The following C7orf57 variants were observed in gnomAD, a reference collection of about 807,000 sequenced individuals.
The protein encoded by C7orf57 is chromosome 7 open reading frame 57, also known as uncharacterized protein C7orf57.
Under a neutral mutation model 39.0 loss-of-function variants are expected in C7orf57, and 33 were observed. That is an observed-to-expected ratio of 0.85 (90% CI 0.64 to 1.13). The LOEUF (loss-of-function observed/expected upper bound fraction) is 1.13, where lower values mean the gene tolerates loss of function less well. Among genes scored for constraint, C7orf57 ranks in the 50% most tolerant of loss-of-function variants. The pLI, the probability that C7orf57 is intolerant of heterozygous loss-of-function variation, is 0.00. For missense variants in C7orf57, 346 were observed against 362.3 expected, an observed-to-expected ratio of 0.95 and a Z score of 0.37; for synonymous variants, 124 against 137.1, an observed-to-expected ratio of 0.90 and a Z score of 0.67.
In C7orf57 at chr7:48,060,644, GC is replaced by G. The variant is rs1791265717; in HGVS notation, c.*374del. On this transcript the variant is annotated 3_prime_UTR_variant, in exon 9 of 9. Transcript: ENST00000348904. ...AGAAAACTTACAGAACAGGTGTTAA[GC>G]CTTTTCCAATATTTAGTATTGTAGT... is the stretch of plus-strand genomic sequence containing the variant. The G allele has an allele frequency of 6.2e-6, 1 of 161,146 alleles. No homozygotes were observed. The highest frequency in any genetic ancestry group is 2.4e-5 in the African/African-American group (1 of 41,836). 10.0% of individuals were successfully genotyped at this position (161,146 alleles called of 1,614,324 possible). A position where few individuals can be genotyped will look rare whatever the true frequency, so the allele number is the denominator to read the frequency against.
intron 2 of C7orf57, among the ~76,000 whole-genome samples, chr7:48,039,259 T>C (rs1790475307): frequency 6.6e-6 from 1 of 152,228 alleles, no homozygotes; most frequent in Non-Finnish European, 1.5e-5. Flanking sequence ...ACCTGCTATC[T>C]GTCATGTGAT....
chr7:48,060,678 G>C lies in C7orf57; in HGVS notation c.*406G>C, dbSNP rs1405571481. On this transcript the variant is annotated 3_prime_UTR_variant, in exon 9 of 9. Transcript: ENST00000348904. Reference sequence around the variant, plus strand: ...AATATTTAGTATTGTAGTCTTCATAGAAATCATTTCTAGTTACAGAAAAAT... The same window carrying C: ...AATATTTAGTATTGTAGTCTTCATACAAATCATTTCTAGTTACAGAAAAAT... The C allele has an allele frequency of 6.5e-6, 1 of 153,756 alleles. No homozygotes were observed. Among genetic ancestry groups the C allele is most frequent in the Non-Finnish European group, 1.4e-5 (1 of 69,150 alleles). 9.5% of individuals were successfully genotyped at this position (153,756 alleles called of 1,614,324 possible).
At chr7:48,051,845 T>TC (rs1200449303) in intron 6 of C7orf57, among the ~76,000 whole-genome samples, 38 of 81,098 alleles carry the variant, frequency 4.7e-4, no homozygotes, top group African/African-American at 9.5e-4. Context: ...CTTTCTTTCT[T>TC]TCTTTCTTTC....
At position 48,036,328 on chromosome 7, in the gene C7orf57, A is replaced by G. The variant is rs1200729589; in HGVS notation, c.20A>G (p.Glu7Gly). 1.3e-6 allele frequency: 2 copies of G among 1,591,150 alleles called. No individual in the cohort carries two copies. The highest frequency in any genetic ancestry group is 1.1e-5 in the South Asian group (1 of 87,436). The change falls in exon 2 of 9, where the codon GAA becomes GGA. Residue 7 changes from glutamate (E) to glycine (G), a missense_variant. Transcript: ENST00000348904. MRNTSK[E>G]LQGATHRYAP... ...CTGACCATGAGGAACACAAGCAAGG[A>G]ACTTCAGGGCGCCACGCACCGCTAC...
chr7:48,053,030 CA>C, intron 7 of C7orf57, 107 bp downstream of exon 7: 6 of 917,004 alleles, frequency 6.5e-6, no homozygotes, highest in Non-Finnish European at 3.5e-6. Flanking sequence ...ATGAGTAACC[CA>C]AAAACCATGT....
chr7:48,042,276 G>C (rs1426077946), intron 3 of C7orf57, among the ~76,000 whole-genome samples: 2 of 152,216 alleles, frequency 1.3e-5, no homozygotes, highest in Non-Finnish European at 2.9e-5. Context: ...CAGAGAACAA[G>C]ACCTAGACAT....
chr7:48,051,671 T>TCTTC (rs1325080647), intron 6 of C7orf57, among the ~76,000 whole-genome samples: 4 of 147,516 alleles, frequency 2.7e-5, no homozygotes, highest in African/African-American at 9.9e-5. Context: ...TTTCTTCCTT[T>TCTTC]CTTCCTTCCT....
intron 2 of C7orf57, among the ~76,000 whole-genome samples, chr7:48,040,715 G>A (rs191722734): frequency 6.6e-6 from 1 of 152,258 alleles, no homozygotes; most frequent in East Asian, 1.9e-4. Context: ...ATGGAGAGAG[G>A]CTGCCGAGCT....
Position 48,046,470 on chromosome 7 carries a change from G to A in C7orf57, c.361G>A (p.Val121Ile), listed in dbSNP as rs1471570217. 1.2e-6 allele frequency: 2 copies of A among 1,613,346 alleles called. No individual in the cohort carries two copies. The highest frequency in any genetic ancestry group is 2.2e-5 in the East Asian group (1 of 44,876). ...PTASQQEVRA[V>I]SMPDYMVHEE... ...TGTCTGTCCTTGCAGAGTGCGGGCT[G>A]TCTCCATGCCGGATTACATGGTTCA... Residue 121 changes from valine to isoleucine, a missense_variant, in exon 5 of 9, where the codon GTC becomes ATC. Transcript: ENST00000348904.
Position 48,043,506 on chromosome 7 carries a change from A to C in C7orf57, c.267A>C (p.Gly89=), listed in dbSNP as rs771998908. 1 of 1,613,868 alleles carries C rather than the reference A, an allele frequency of 6.2e-7. No individual in the cohort carries two copies. The highest frequency in any genetic ancestry group is 1.1e-5 in the South Asian group (1 of 91,062). Residue 89 remains glycine (G), a synonymous_variant, in exon 4 of 9, where the codon GGA becomes GGC. Transcript: ENST00000348904. The stretch of plus-strand genomic sequence containing the variant: ...ATTTGTTGAAGCACTTTGCCCCTGG[A>C]ACCAGGAAAGGCTCTCCAGTGGCCT... ...RPDLLKHFAP[G]TRKGSPVAYS...
Position 48,035,578 on chromosome 7 carries a change from AACTC to A in C7orf57, c.-153_-150del, listed in dbSNP as rs1562619774. On this transcript the variant is annotated 5_prime_UTR_variant, in exon 1 of 9. Transcript: ENST00000348904. The surrounding 1 kb of genome is among the most constrained non-coding windows in gnomAD (Gnocchi z 4.0). The stretch of plus-strand genomic sequence containing the variant: ...GGCTGCAGCCAGCCAGCCGTGTAAA[AACTC>A]CAACGCCGGGCGCCGCGGGCAGCAC... 5.7e-6 allele frequency: 4 copies of A among 697,120 alleles called. No individual in the cohort carries two copies. The highest frequency in any genetic ancestry group is 1.0e-5 in the Non-Finnish European group (4 of 382,842). 43.2% of individuals were successfully genotyped at this position (697,120 alleles called of 1,614,324 possible).
chr7:48,054,848 T>A (rs1032619381), intron 8 of C7orf57, among the ~76,000 whole-genome samples: 18 of 150,828 alleles, frequency 1.2e-4, no homozygotes, highest in African/African-American at 4.4e-4. Flanking sequence ...AGGATGAAGA[T>A]GATGATGATG....
At chr7:48,054,550 G>T in intron 7 of C7orf57, 45 bp from the exon 8 acceptor site, 1 of 1,474,406 alleles carries the variant, frequency 6.8e-7, no homozygotes, top group South Asian at 1.2e-5. Flanking sequence ...TTTAATACTT[G>T]ATCTGTTTCA....
At position 48,060,696 on chromosome 7, in the gene C7orf57, A is replaced by G; in HGVS notation, c.*424A>G. 1 of 152,952 alleles carries G rather than the reference A, an allele frequency of 6.5e-6. No individual in the cohort carries two copies. Among genetic ancestry groups the G allele is most frequent in the Non-Finnish European group, 1.5e-5 (1 of 68,548 alleles). 9.5% of individuals were successfully genotyped at this position (152,952 alleles called of 1,614,324 possible). On this transcript the variant is annotated 3_prime_UTR_variant, in exon 9 of 9. Coordinates refer to ENST00000348904, the MANE Select transcript of C7orf57 (RefSeq NM_001100159.3). ...CTTCATAGAAATCATTTCTAGTTAC[A>G]GAAAAATTTAACTCCAGAATATGGT...
chr7:48,055,348 T>C (rs751166535), intron 8 of C7orf57, among the ~76,000 whole-genome samples: 2 of 152,196 alleles, frequency 1.3e-5, no homozygotes, highest in Non-Finnish European at 2.9e-5. Context: ...CAGATAATAA[T>C]TGTATACAAC....
intron 7 of C7orf57, among the ~76,000 whole-genome samples, 179 bp from the exon 8 acceptor site, chr7:48,054,412 CAAAA>C (rs35256733): frequency 4.6e-5 from 4 of 86,540 alleles, no homozygotes; most frequent in African/African-American, 4.4e-5. Flanking sequence ...GAAACTCTCT[CAAAA>C]AAAAAAAAAA....
At chr7:48,040,921 C>G (rs542651053) in intron 2 of C7orf57, among the ~76,000 whole-genome samples, 1 of 152,176 alleles carries the variant, frequency 6.6e-6, no homozygotes, top group African/African-American at 2.4e-5. Flanking sequence ...CAGGCTTACC[C>G]ATAACGTTTT....
chr7:48,049,849 A>G (rs1478150305), intron 5 of C7orf57, 31 bp from the exon 6 acceptor site: 1 of 1,570,612 alleles, frequency 6.4e-7, no homozygotes, highest in African/African-American at 1.3e-5. Flanking sequence ...GCTTTCCACT[A>G]ACTCAAGGTT....
chr7:48,044,974 C>A (rs1328614536), intron 4 of C7orf57, among the ~76,000 whole-genome samples: 1 of 152,184 alleles, frequency 6.6e-6, no homozygotes, highest in Non-Finnish European at 1.5e-5. Context: ...CTGCACACTG[C>A]CACATGGACT....
Sources: gnomAD v4.1 joint callset for allele counts (sites outside exome capture counted in the v4.1 genomes callset) on GRCh38, gnomAD v4.1.1 for gene constraint, Gnocchi (gnomAD v3.1) non-coding constraint, MANE v1.5 for transcripts, NCBI Gene and HGNC (gene_info 2026-07-23, HGNC 2026-07-21) for gene names.